The following ITIH3 variants were observed in gnomAD, a reference collection of about 807,000 sequenced individuals.
ITIH3 encodes the protein inter-alpha-trypsin inhibitor heavy chain 3, also known as inter-alpha-trypsin inhibitor heavy chain H3.
Under a neutral mutation model 96.5 loss-of-function variants are expected in ITIH3, and 81 were observed. The ratio of observed to expected loss-of-function variants is 0.84; its 90% confidence interval spans 0.70 to 1.01. ITIH3 has a LOEUF of 1.01. Among genes scored for constraint, ITIH3 ranks in the 50% least tolerant of loss-of-function variants. ITIH3 has a pLI of 0.00. For missense variants in ITIH3, 1,057 were observed against 1,139.3 expected, an observed-to-expected ratio of 0.93 and a Z score of 1.04; for synonymous variants, 422 against 445.2, an observed-to-expected ratio of 0.95 and a Z score of 0.66.
At chr3:52,802,246 G>A in intron 11 of ITIH3, 88 bp from the exon 12 acceptor site, 7 of 1,402,652 alleles carry the variant, frequency 5.0e-6, no homozygotes, top group Non-Finnish European at 6.9e-6. Context: ...ATTAGGACGG[G>A]CCCAGCCCTG....
chr3:52,799,571 C>A, intron 8 of ITIH3, 83 bp downstream of exon 8: 2 of 1,119,390 alleles, frequency 1.8e-6, no homozygotes, highest in Non-Finnish European at 2.5e-6. Context: ...AAAAGCTGAT[C>A]TTTGTGGTGA....
chr3:52,797,931 G>A lies in ITIH3; in HGVS notation c.663+1G>A. ...CACCAAGTCCTTCTCAGGGAAAAAGGTGATGTAGATGCCTCTCAGACCTGG... is the reference window on the plus strand; with the variant it reads ...CACCAAGTCCTTCTCAGGGAAAAAGATGATGTAGATGCCTCTCAGACCTGG... On this transcript the variant is annotated splice_donor_variant, in intron 6 of 21. Transcript: ENST00000449956. LOFTEE classifies it high-confidence loss of function. 6.4e-7 allele frequency: 1 copy of A among 1,574,740 alleles called. No individual in the cohort carries two copies. The highest frequency in any genetic ancestry group is 8.7e-7 in the Non-Finnish European group (1 of 1,155,632).
intron 11 of ITIH3, 141 bp from the exon 12 acceptor site, chr3:52,802,193 T>G: frequency 1.2e-6 from 1 of 831,830 alleles, no homozygotes; most frequent in East Asian, 2.7e-5. Flanking sequence ...CCCCACAGAC[T>G]GAAGGACGCA....
rs1163561055 is a variant in ITIH3, at chr3:52,799,035, A to C, written c.733A>C (p.Asn245His). The C allele has an allele frequency of 6.2e-7, 1 of 1,613,608 alleles. No individual in the cohort carries two copies. Among genetic ancestry groups the C allele is most frequent in the Non-Finnish European group, 8.5e-7 (1 of 1,179,718 alleles). ...SCPTCTDSLL[N>H]GDFTITYDVN... ...CCCAACCTGTACAGACTCCCTCCTC[A>C]ATGGAGATTTCACTATCACCTATGA... Residue 245 changes from asparagine (N) to histidine (H), a missense_variant, in exon 7 of 22, where the codon AAT (asparagine) becomes CAT (histidine). By Grantham distance (68) the Asn-to-His change is moderately conservative. Coordinates refer to ENST00000449956, the MANE Select transcript of ITIH3 (RefSeq NM_002217.4).
At chr3:52,806,039 G>A in intron 16 of ITIH3, 64 bp from the exon 17 acceptor site, 1 of 1,553,660 alleles carries the variant, frequency 6.4e-7, no homozygotes, top group African/African-American at 1.4e-5. Flanking sequence ...ACTCCTATGG[G>A]GGTCGTCGGG....
chr3:52,800,551 T>A lies in ITIH3; in HGVS notation c.1089T>A (p.Asn363Lys). 6.4e-7 allele frequency: 1 copy of A among 1,555,378 alleles called. No homozygotes were observed. Among genetic ancestry groups the A allele is most frequent in the Non-Finnish European group, 8.7e-7 (1 of 1,149,038 alleles). The part of the protein sequence containing the change: ...SMEDKGMTNI[N>K]DGLLRGISML... ...TCTGTGTCCCAGTGACCAACATCAA[T>A]GACGGGCTGCTGAGGGGCATCAGTA... The change falls in exon 10 of 22, where the codon AAT (asparagine) becomes AAA (lysine). Residue 363 changes from asparagine (N) to lysine (K), a missense_variant. Coordinates refer to ENST00000449956, the MANE Select transcript of ITIH3 (RefSeq NM_002217.4).
chr3:52,802,877 C>A, intron 13 of ITIH3, 71 bp downstream of exon 13: 3 of 1,558,520 alleles, frequency 1.9e-6, no homozygotes, highest in Non-Finnish European at 1.7e-6. Context: ...CCCCCATACG[C>A]AGTCCCAGCG....
intron 20 of ITIH3, 95 bp from the exon 21 acceptor site, chr3:52,808,015 C>T: frequency 1.3e-6 from 2 of 1,566,610 alleles, no homozygotes; most frequent in Non-Finnish European, 1.7e-6. Context: ...GCTCACAACA[C>T]CCCATTCAGC....
At chr3:52,800,043 T>C (rs909108683) in intron 9 of ITIH3, 122 bp downstream of exon 9, 20 of 920,118 alleles carry the variant, frequency 2.2e-5, no homozygotes, top group Middle Eastern at 3.5e-4. Context: ...TGAGCTGGGG[T>C]AGAGGTGGGA....
chr3:52,802,523 A>C lies in ITIH3; in HGVS notation c.1569+4A>C. The C allele has an allele frequency of 1.9e-6, 3 of 1,613,678 alleles. No individual in the cohort carries two copies. The highest frequency in any genetic ancestry group is 2.5e-6 in the Non-Finnish European group (3 of 1,179,812). ...GGCAGATGTGAAGGGCCATGGGGTG[A>C]GTGGGGACAGGGCCTGGAAGTGTGC... On this transcript the variant is annotated splice_donor_region_variant and intron_variant, in intron 12 of 21. Coordinates refer to ENST00000449956, the MANE Select transcript of ITIH3 (RefSeq NM_002217.4).
In ITIH3 at chr3:52,796,778, G is replaced by C. The variant is rs762982835; in HGVS notation, c.321G>C (p.Glu107Asp). Reference protein sequence around the residue: ...DGVTYPGNVKEKEVAKKQYEK... With the variant: ...DGVTYPGNVKDKEVAKKQYEK... Reference sequence around the variant, plus strand: ...TTACCTACCCTGGGAATGTCAAGGAGAAGGAAGTTGCCAAGAAGCAGTATG... The same window carrying C: ...TTACCTACCCTGGGAATGTCAAGGACAAGGAAGTTGCCAAGAAGCAGTATG... The change falls in exon 4 of 22, where the codon GAG becomes GAC. Residue 107 changes from glutamate (E) to aspartate (D), a missense_variant. Transcript: ENST00000449956. The C allele has an allele frequency of 6.2e-7, 1 of 1,613,088 alleles. No homozygotes were observed. Among genetic ancestry groups the C allele is most frequent in the South Asian group, 1.1e-5 (1 of 90,816 alleles).
chr3:52,795,489 G>T (rs866669892), intron 1 of ITIH3, 114 bp from the exon 2 acceptor site: 3 of 1,118,270 alleles, frequency 2.7e-6, no homozygotes, highest in East Asian at 2.6e-5. Context: ...TCAGGTGTGT[G>T]GGGGGCAGGG....
intron 18 of ITIH3, 35 bp downstream of exon 18, chr3:52,806,441 C>G: frequency 6.5e-7 from 1 of 1,547,942 alleles, no homozygotes; most frequent in South Asian, 1.2e-5. Flanking sequence ...GGCCAGGGGG[C>G]TCTTCCTGGG....
chr3:52,801,786 C>T (rs1420112994), intron 11 of ITIH3, among the ~76,000 whole-genome samples: 1 of 152,198 alleles, frequency 6.6e-6, no homozygotes, highest in Non-Finnish European at 1.5e-5. Context: ...CGCTATTCAA[C>T]CCATAACAGA....
At position 52,797,837 on chromosome 3, in the gene ITIH3, G is replaced by A; in HGVS notation, c.570G>A (p.Glu190=). The A allele has an allele frequency of 1.9e-6, 3 of 1,607,650 alleles. No individual in the cohort carries two copies. The highest frequency in any genetic ancestry group is 2.5e-6 in the Non-Finnish European group (3 of 1,177,202). Residue 190 remains glutamate (E), a synonymous_variant, in exon 6 of 22, where the codon GAG becomes GAA. Coordinates refer to ENST00000449956, the MANE Select transcript of ITIH3 (RefSeq NM_002217.4). ...KHFEIEVDIF[E]PQGISMLDAE... is the part of the protein sequence containing the mutation. ...TTCAGATCGAGGTAGACATCTTCGAGCCTCAGGGAATCAGCATGCTGGATG... is the reference window on the plus strand; with the variant it reads ...TTCAGATCGAGGTAGACATCTTCGAACCTCAGGGAATCAGCATGCTGGATG...
Position 52,797,258 on chromosome 3 carries a change from A to G in ITIH3, c.540A>G (p.Lys180=), listed in dbSNP as rs1379570200. ...YLKVQPKQLV[K]HFEIEVDIFE... ...AGGTCCAGCCTAAGCAACTGGTCAA[A>G]CACTTTGAGGTAATCAACCGCCCCT... Residue 180 remains lysine (K), a synonymous_variant, in exon 5 of 22, where the codon AAA becomes AAG. Coordinates refer to ENST00000449956, the MANE Select transcript of ITIH3 (RefSeq NM_002217.4). The G allele has an allele frequency of 6.2e-7, 1 of 1,604,388 alleles. No homozygotes were observed.
chr3:52,806,341 C>T lies in ITIH3; in HGVS notation c.1991C>T (p.Ala664Val). Reference sequence around the variant, plus strand: ...ATCCAAATTCCGGAGAAAGACGATGCCCTCTGCTTCAACATCGATGAAGCC... The same window carrying T: ...ATCCAAATTCCGGAGAAAGACGATGTCCTCTGCTTCAACATCGATGAAGCC... The part of the protein sequence containing the change: ...FIIQIPEKDD[A>V]LCFNIDEAPG... Residue 664 changes from alanine to valine, a missense_variant, in exon 18 of 22, where the codon GCC becomes GTC. By Grantham distance (64) the Ala-to-Val change is moderately conservative. Transcript: ENST00000449956. 1.9e-6 allele frequency: 3 copies of T among 1,613,982 alleles called. No individual in the cohort carries two copies. Among genetic ancestry groups the T allele is most frequent in the Non-Finnish European group, 2.5e-6 (3 of 1,179,870 alleles).
chr3:52,805,692 A>T, intron 15 of ITIH3, 116 bp from the exon 16 acceptor site: 1 of 1,546,324 alleles, frequency 6.5e-7, no homozygotes, highest in Non-Finnish European at 8.7e-7. Flanking sequence ...CTCCACCTCT[A>T]TCTGCCAGTG....
At chr3:52,797,308 G>T in intron 5 of ITIH3, 41 bp downstream of exon 5, 2 of 1,567,766 alleles carry the variant, frequency 1.3e-6, no homozygotes, top group South Asian at 2.3e-5. Flanking sequence ...ACGGCAGCGG[G>T]GTGCAGGAAC....
Sources: allele counts gnomAD v4.1 joint callset (sites outside exome capture counted in the v4.1 genomes callset), GRCh38; gene constraint gnomAD v4.1.1; transcripts MANE v1.5; gene names NCBI Gene and HGNC (gene_info 2026-07-23, HGNC 2026-07-21).